Variants in STON2 observed in about 807,000 individuals in gnomAD.
STON2 encodes stonin 2.
STON2 carries 29 observed loss-of-function variants against 65.7 expected under a neutral mutation model. The observed-to-expected ratio is 0.44, with a 90% CI of 0.33 to 0.60. The LOEUF (loss-of-function observed/expected upper bound fraction) is 0.60. STON2 is among the 20% of genes least tolerant of loss of function. The pLI, the probability that STON2 is intolerant of heterozygous loss-of-function variation, is 0.03. For missense variants in STON2, 1,054 were observed against 1,118.1 expected (o/e 0.94, Z 0.82); for synonymous variants, 404 against 414.2 (o/e 0.98, Z 0.30).
chr14:81,434,503 G>A lies in STON2; in HGVS notation c.-310+1818C>T, dbSNP rs1273979045. ...CTGAGAAGATAAGCATTTCCTCTAA[G>A]TCAATGTATTCATTCTAAGGCTCCT... On this transcript the variant is annotated intron_variant, in intron 1 of 8. Transcript: ENST00000553821. Among the ~76,000 whole-genome samples the A allele has an allele frequency of 2.0e-5, 3 of 152,298 alleles. No individual in the cohort carries two copies. The East Asian group carries it at 5.8e-4, about 29-fold the overall frequency.
chr14:81,362,741 C>T (rs1423353435), intron 4 of STON2, among the ~76,000 whole-genome samples: 3 of 151,980 alleles, frequency 2.0e-5, no homozygotes, highest in African/African-American at 4.8e-5. Flanking sequence ...TAACTTTGTA[C>T]CCCATAAATA....
chr14:81,344,792 A>T (rs1457776814), intron 4 of STON2, among the ~76,000 whole-genome samples: 1 of 152,218 alleles, frequency 6.6e-6, no homozygotes, highest in Non-Finnish European at 1.5e-5. Context: ...AAGTCAATAG[A>T]CATTACCGTT....
intron 4 of STON2, among the ~76,000 whole-genome samples, chr14:81,329,471 AAGAG>A (rs1310517094): frequency 6.8e-6 from 1 of 146,174 alleles, no homozygotes; most frequent in Admixed American, 6.8e-5. Flanking sequence ...AAAAAAAAAA[AAGAG>A]AGAGACAAAG....
intron 5 of STON2, among the ~76,000 whole-genome samples, chr14:81,281,606 A>C (rs1341810422): frequency 6.6e-6 from 1 of 151,690 alleles, no homozygotes; most frequent in African/African-American, 2.4e-5. Context: ...ACTTGCCACC[A>C]AAGGATTCCC....
rs115475606 is a variant in STON2 at position 81,266,769 on chromosome 14, G to C, written c.*1645C>G. 1.1e-3 allele frequency: 1,071 copies of C among 984,596 alleles called. 7 individuals carry two copies. In the African/African-American group the frequency reaches 0.017, roughly 16 times the overall value. 61.0% of individuals were successfully genotyped at this position (984,596 alleles called of 1,614,324 possible). On this transcript the variant is annotated 3_prime_UTR_variant, in exon 8 of 8. Transcript: ENST00000614646. ...AGGAAATATTTCTCTATAAACTACCGTGAAACCAGGTCTTCCTAACACCGT... is the reference window on the plus strand; with the variant it reads ...AGGAAATATTTCTCTATAAACTACCCTGAAACCAGGTCTTCCTAACACCGT...
chr14:81,290,349 T>C (rs1895506377), intron 5 of STON2, among the ~76,000 whole-genome samples: 1 of 152,188 alleles, frequency 6.6e-6, no homozygotes, highest in Non-Finnish European at 1.5e-5. Context: ...GAATTTCTGC[T>C]TCAATCAAGT....
At chr14:81,353,900 C>T (rs989579942) in intron 4 of STON2, among the ~76,000 whole-genome samples, 12 of 152,184 alleles carry the variant, frequency 7.9e-5, no homozygotes, top group Admixed American at 5.9e-4. Flanking sequence ...GCATAGCCCA[C>T]GGACAAAGCT....
At chr14:81,330,421 T>C (rs1329691669) in intron 4 of STON2, among the ~76,000 whole-genome samples, 4 of 151,066 alleles carry the variant, frequency 2.6e-5, no homozygotes, top group Non-Finnish European at 5.9e-5. Flanking sequence ...GGCTTTGGGA[T>C]TTAGAGATGG....
chr14:81,303,453 C>G (rs1896049456), intron 5 of STON2, among the ~76,000 whole-genome samples: 1 of 152,194 alleles, frequency 6.6e-6, no homozygotes, highest in African/African-American at 2.4e-5. Flanking sequence ...AGCAGTGGCC[C>G]TGACAGGCAG....
chr14:81,328,875 C>T (rs1897097781), intron 4 of STON2, among the ~76,000 whole-genome samples: 1 of 152,166 alleles, frequency 6.6e-6, no homozygotes, highest in Admixed American at 6.5e-5. Flanking sequence ...CCTTGTGCTT[C>T]CCACCATGAG....
chr14:81,429,860 GGGAGGC>G (rs2139927711), intron 1 of STON2, among the ~76,000 whole-genome samples: 1 of 152,052 alleles, frequency 6.6e-6, no homozygotes, highest in Admixed American at 6.5e-5. Context: ...GCTTGAACCC[GGGAGGC>G]GGAGGTTGCA....
chr14:81,396,403 A>G (rs1185013407), intron 2 of STON2, among the ~76,000 whole-genome samples: 2 of 152,194 alleles, frequency 1.3e-5, no homozygotes, highest in East Asian at 3.9e-4. Flanking sequence ...GTATCCTGGC[A>G]GGCAGAGACT....
Position 81,271,542 on chromosome 14 carries a change from G to A in STON2, c.2582-670C>T, listed in dbSNP as rs1048318632. ...CAGGCCTCAATTCCTCCTCTGTAAAGTGGGGAGATTAGGGTACAAGGGATA... is the reference window on the plus strand; with the variant it reads ...CAGGCCTCAATTCCTCCTCTGTAAAATGGGGAGATTAGGGTACAAGGGATA... On this transcript the variant is annotated intron_variant, in intron 6 of 7. Coordinates refer to ENST00000614646, the MANE Select transcript of STON2 (RefSeq NM_001394390.1). 3.3e-5 allele frequency among the ~76,000 whole-genome samples: 5 copies of A among 151,814 alleles called. No homozygotes were observed. In the East Asian group the frequency reaches 9.7e-4, roughly 29 times the overall value.
chr14:81,270,491 C>A, intron 7 of STON2, 179 bp downstream of exon 7: 1 of 1,505,612 alleles, frequency 6.6e-7, no homozygotes, highest in Non-Finnish European at 8.9e-7. Context: ...ATCCACTAGC[C>A]AGATTATGCA....
At chr14:81,309,897 G>A (rs1245794417) in intron 5 of STON2, among the ~76,000 whole-genome samples, 3 of 152,126 alleles carry the variant, frequency 2.0e-5, no homozygotes, top group South Asian at 4.1e-4. Context: ...CAAAACAGCA[G>A]CTTTCAAACA....
At chr14:81,414,695 T>A (rs941118194) in intron 2 of STON2, among the ~76,000 whole-genome samples, 11 of 151,900 alleles carry the variant, frequency 7.2e-5, no homozygotes, top group African/African-American at 2.7e-4. Flanking sequence ...CTACGATAAC[T>A]CTGCCACTCG....
intron 3 of STON2, among the ~76,000 whole-genome samples, chr14:81,375,076 C>T (rs1401234463): frequency 6.6e-6 from 1 of 151,844 alleles, no homozygotes; most frequent in African/African-American, 2.4e-5. Context: ...AAAGTATAGA[C>T]AGAAAAATAA....
intron 4 of STON2, among the ~76,000 whole-genome samples, chr14:81,357,412 G>C (rs1171559588): frequency 6.6e-6 from 1 of 151,986 alleles, no homozygotes; most frequent in Non-Finnish European, 1.5e-5. Flanking sequence ...AGGTGCTGGA[G>C]AGGATGTGGA....
Position 81,277,847 on chromosome 14 carries a change from T to C in STON2, c.1635A>G (p.Gln545=), listed in dbSNP as rs775324514. The change falls in exon 6 of 8, where the codon CAA becomes CAG. Residue 545 remains glutamine, a synonymous_variant. Transcript: ENST00000614646. ...GGATTCTGCCATTCTCATCATAGTT[T>C]TGAAGCCGGGGTTCTGAAATCTCAT... ...ICHEISEPRL[Q]NYDENGRIHS... 3.3e-5 allele frequency: 54 copies of C among 1,614,092 alleles called. No homozygotes were observed. The highest frequency in any genetic ancestry group is 3.7e-5 in the Non-Finnish European group (44 of 1,180,032).
Sources: allele counts gnomAD v4.1 joint callset (sites outside exome capture counted in the v4.1 genomes callset), GRCh38; gene constraint gnomAD v4.1.1; transcripts MANE v1.5; gene names NCBI Gene and HGNC (gene_info 2026-07-23, HGNC 2026-07-21).